Variants in ELK4 observed in about 807,000 individuals in gnomAD.
ELK4 encodes ETS domain-containing protein Elk-4.
In ELK4, 16 loss-of-function variants were observed where a neutral mutation model predicts 29.6. The ratio of observed to expected loss-of-function variants is 0.54; its 90% confidence interval spans 0.37 to 0.82. The LOEUF (loss-of-function observed/expected upper bound fraction) is 0.82. Among genes scored for constraint, ELK4 ranks in the 40% least tolerant of loss-of-function variants. The probability of loss-of-function intolerance (pLI) is 0.00; values close to 1 mark genes in which losing one functional copy is unlikely to be tolerated. For missense variants in ELK4, 465 were observed against 507.1 expected (o/e 0.92, Z 0.80); for synonymous variants, 213 against 191.1 (o/e 1.11, Z -0.95).
chr1:205,630,218 T>C (rs927188045), intron 1 of ELK4, among the ~76,000 whole-genome samples: 1 of 152,178 alleles, frequency 6.6e-6, no homozygotes, highest in East Asian at 1.9e-4. Context: ...CTGGTCCAAA[T>C]GAAGGTATTT....
At position 205,615,716 on chromosome 1, in the gene ELK4, TG is replaced by T; in HGVS notation, c.*829del. ...TCCTAAAAGTGATCATTTCCCATGC[TG>T]TATTCCATGGGCATATAATCATACC... is the stretch of plus-strand genomic sequence containing the variant. On this transcript the variant is annotated 3_prime_UTR_variant, in exon 5 of 5. Coordinates refer to ENST00000357992, the MANE Select transcript of ELK4 (RefSeq NM_001973.4). The T allele has an allele frequency of 4.8e-6, 1 of 209,396 alleles. No homozygotes were observed. The highest frequency in any genetic ancestry group is 9.7e-6 in the Non-Finnish European group (1 of 102,960). 13.0% of individuals were successfully genotyped at this position (209,396 alleles called of 1,614,324 possible).
chr1:205,616,530 T>C lies in ELK4; in HGVS notation c.*16A>G, dbSNP rs761802259. ...TTTCTTCGTTCCTCGGTTCTCTCAT[T>C]CCACAAGTGCATAGGTTATGTCTTC... On this transcript the variant is annotated 3_prime_UTR_variant, in exon 5 of 5. Coordinates refer to ENST00000357992, the MANE Select transcript of ELK4 (RefSeq NM_001973.4). 6.2e-6 allele frequency: 10 copies of C among 1,610,188 alleles called. No individual in the cohort carries two copies. The highest frequency in any genetic ancestry group is 8.5e-6 in the Non-Finnish European group (10 of 1,176,528).
intron 1 of ELK4, among the ~76,000 whole-genome samples, chr1:205,627,373 G>A (rs1002345457): frequency 5.3e-5 from 8 of 152,092 alleles, no homozygotes; most frequent in African/African-American, 1.9e-4. Context: ...GCTGGGCGTG[G>A]TGGTGGGCGC....
chr1:205,627,273 G>A (rs2102385453), intron 1 of ELK4, among the ~76,000 whole-genome samples: 1 of 152,262 alleles, frequency 6.6e-6, no homozygotes, highest in South Asian at 2.1e-4. Context: ...ACTTTGGGAG[G>A]CCGAGGTGGG....
chr1:205,628,439 A>T (rs1321639973), intron 1 of ELK4, among the ~76,000 whole-genome samples: 1 of 152,226 alleles, frequency 6.6e-6, no homozygotes, highest in Non-Finnish European at 1.5e-5. Context: ...ATAGGGGTGG[A>T]GTATGAATCC....
intron 4 of ELK4, 133 bp from the exon 5 acceptor site, chr1:205,616,777 T>C: frequency 1.6e-6 from 1 of 640,258 alleles, no homozygotes; most frequent in Non-Finnish European, 2.6e-6. Flanking sequence ...AGTGGCTGTT[T>C]ATCATGAAAG....
chr1:205,625,076 A>G (rs1430642060), intron 1 of ELK4, among the ~76,000 whole-genome samples: 1 of 152,212 alleles, frequency 6.6e-6, no homozygotes, highest in African/African-American at 2.4e-5. Context: ...TAGTAATGAG[A>G]TCTCAATGGG....
rs200321599 is a variant in ELK4 at position 205,620,058 on chromosome 1, T to C, written c.988A>G (p.Thr330Ala). 1 of 1,614,012 alleles carries C rather than the reference T, an allele frequency of 6.2e-7. No homozygotes were observed. The highest frequency in any genetic ancestry group is 8.5e-7 in the Non-Finnish European group (1 of 1,179,996). The change falls in exon 3 of 5, where the codon ACC (threonine) becomes GCC (alanine). Residue 330 changes from threonine to alanine, a missense_variant. Thr to Ala is a moderately conservative substitution (Grantham distance 58). Transcript: ENST00000357992. ...KKPKGLELAPTLVITSSDPSP... is the reference protein window; with the variant it reads ...KKPKGLELAPALVITSSDPSP... The stretch of plus-strand genomic sequence containing the variant: ...GGATCACTGCTCGTGATCACAAGGG[T>C]GGGTGCCAGTTCTAACCCTTTGGGT...
At chr1:205,618,429 T>G (rs372450550) in intron 4 of ELK4, among the ~76,000 whole-genome samples, 1 of 152,066 alleles carries the variant, frequency 6.6e-6, no homozygotes, top group African/African-American at 2.4e-5. Flanking sequence ...CTAACTCAAA[T>G]GTATGTAATA....
chr1:205,620,131 T>G lies in ELK4; in HGVS notation c.915A>C (p.Ser305=), dbSNP rs754837234. ...NLSLEPKDQD[S]VLLEKDKVNN... ...TTACTTTGTCCTTTTCTAGCAAGAC[T>G]GAATCCTGGTCTTTAGGCTCCAGTG... Residue 305 remains serine, a synonymous_variant, in exon 3 of 5, where the codon TCA becomes TCC. Transcript: ENST00000357992. 1.2e-6 allele frequency: 2 copies of G among 1,614,268 alleles called. No homozygotes were observed. The highest frequency in any genetic ancestry group is 2.7e-5 in the African/African-American group (2 of 75,068).
rs974988405 is a variant in ELK4, at chr1:205,609,077, C to T, written c.*7469G>A. 3.7e-5 allele frequency: 7 copies of T among 188,548 alleles called. No homozygotes were observed. The highest frequency in any genetic ancestry group is 1.4e-4 in the African/African-American group (6 of 42,878). 11.7% of individuals were successfully genotyped at this position (188,548 alleles called of 1,614,324 possible). A position where few individuals can be genotyped will look rare whatever the true frequency, so the allele number is the denominator to read the frequency against. On this transcript the variant is annotated 3_prime_UTR_variant, in exon 5 of 5. Coordinates refer to ENST00000357992, the MANE Select transcript of ELK4 (RefSeq NM_001973.4). The stretch of plus-strand genomic sequence containing the variant: ...TGCCACTGCCACTGTGGTTAAATCA[C>T]TTGGTGTATGGAATTTAAAATAATC...
At chr1:205,624,713 A>C (rs573048872) in intron 1 of ELK4, among the ~76,000 whole-genome samples, 1 of 152,116 alleles carries the variant, frequency 6.6e-6, no homozygotes, top group Non-Finnish European at 1.5e-5. Flanking sequence ...TGTTGTGGGA[A>C]GCTGTCCTGT....
rs1670178783 is a variant in ELK4, at chr1:205,613,119, TA to T, written c.*3426del. The stretch of plus-strand genomic sequence containing the variant: ...AAATTTCCACCTTTGTTCGAACACA[TA>T]AAGTATGCCATGAGCAATATAACAT... On this transcript the variant is annotated 3_prime_UTR_variant, in exon 5 of 5. Coordinates refer to ENST00000357992, the MANE Select transcript of ELK4 (RefSeq NM_001973.4). 5.2e-6 allele frequency: 1 copy of T among 190,710 alleles called. No homozygotes were observed. The highest frequency in any genetic ancestry group is 1.1e-5 in the Non-Finnish European group (1 of 93,472). The allele number at this position is 190,710 out of a possible 1,614,324, so 11.8% of individuals were successfully genotyped here.
At chr1:205,619,837 A>C in intron 3 of ELK4, 129 bp downstream of exon 3, 2 of 1,588,762 alleles carry the variant, frequency 1.3e-6, no homozygotes, top group Non-Finnish European at 1.7e-6. Flanking sequence ...TTCACATGAC[A>C]GTCACACATA....
At chr1:205,619,865 C>T (rs756388367) in intron 3 of ELK4, 101 bp downstream of exon 3, 29 of 1,613,096 alleles carry the variant, frequency 1.8e-5, no homozygotes, top group Non-Finnish European at 2.5e-5. Context: ...TAAGACAAAC[C>T]TAAGTAACAG....
chr1:205,630,238 G>A (rs1164854466), intron 1 of ELK4, among the ~76,000 whole-genome samples: 1 of 152,168 alleles, frequency 6.6e-6, no homozygotes, highest in Non-Finnish European at 1.5e-5. Flanking sequence ...TGATTTTTGA[G>A]GGGGTAAAGG....
Position 205,626,096 on chromosome 1 carries a change from C to A in ELK4, c.-9-2205G>T, listed in dbSNP as rs554517642. The A allele has an allele frequency of 7.8e-6, 7 of 892,608 alleles. No homozygotes were observed. In the South Asian group the frequency reaches 9.1e-5, roughly 12 times the overall value. The allele number at this position is 892,608 out of a possible 1,614,324, so 55.3% of individuals were successfully genotyped here. A position where few individuals can be genotyped will look rare whatever the true frequency, so the allele number is the denominator to read the frequency against. ...CAATGGGTCAGCTCTACCAGGAACACCATGAAGACTTCTTTCTCTACGTTG... is the reference window on the plus strand; with the variant it reads ...CAATGGGTCAGCTCTACCAGGAACAACATGAAGACTTCTTTCTCTACGTTG... On this transcript the variant is annotated intron_variant, in intron 1 of 4. Transcript: ENST00000357992.
chr1:205,626,130 G>A (rs1199756966), intron 1 of ELK4: 1 of 747,598 alleles, frequency 1.3e-6, no homozygotes, highest in Non-Finnish European at 2.5e-6. Flanking sequence ...TGCCTACAGT[G>A]ACCAAAGTGT....
chr1:205,619,933 C>T, intron 3 of ELK4, 33 bp downstream of exon 3: 1 of 1,614,076 alleles, frequency 6.2e-7, no homozygotes, highest in Non-Finnish European at 8.5e-7. Flanking sequence ...TAAATGAAAG[C>T]AATGGTGACA....
Sources: gnomAD v4.1 joint callset for allele counts (sites outside exome capture counted in the v4.1 genomes callset) on GRCh38, gnomAD v4.1.1 for gene constraint, MANE v1.5 for transcripts, NCBI Gene and HGNC (gene_info 2026-07-23, HGNC 2026-07-21) for gene names.